The following TAF10 variants were observed in gnomAD, a reference collection of about 807,000 sequenced individuals.
TAF10 encodes the protein TATA-box binding protein associated factor 10, also known as transcription initiation factor TFIID subunit 10.
TAF10 carries 2 observed loss-of-function variants against 18.1 expected under a neutral mutation model. That is an observed-to-expected ratio of 0.11 (90% CI 0.05 to 0.35). TAF10 has a LOEUF of 0.35. TAF10 is among the 10% of genes least tolerant of loss of function. TAF10 has a pLI of 1.00. For missense variants in TAF10, 293 were observed against 306.9 expected (o/e 0.95, Z 0.34); for synonymous variants, 158 against 134.6 (o/e 1.17, Z -1.20).
At position 6,608,829 on chromosome 11, in the gene TAF10, C is replaced by T; in HGVS notation, c.*2093G>A. On this transcript the variant is annotated 3_prime_UTR_variant, in exon 5 of 5. Transcript: ENST00000299424. This position sits in a 1 kb window ranked among gnomAD's most constrained non-coding sequence, Gnocchi z 4.9. ...TCCCCTAGCTTGTGTCCTCTCGTCC[C>T]TTCCCACCTGTCTTCTCCCTCTGTA... 1 of 1,612,702 alleles carries T rather than the reference C, an allele frequency of 6.2e-7. No individual in the cohort carries two copies. Among genetic ancestry groups the T allele is most frequent in the Non-Finnish European group, 8.5e-7 (1 of 1,178,722 alleles).
intron 2 of TAF10, 93 bp downstream of exon 2, chr11:6,611,571 C>G: frequency 1.3e-6 from 2 of 1,590,378 alleles, no homozygotes; most frequent in Non-Finnish European, 1.7e-6. Flanking sequence ...AGAAGAGCGA[C>G]TAGGGGAGCA....
chr11:6,609,041 G>A lies in TAF10; in HGVS notation c.*1881C>T. 1 of 1,612,286 alleles carries A rather than the reference G, an allele frequency of 6.2e-7. No homozygotes were observed. Among genetic ancestry groups the A allele is most frequent in the South Asian group, 1.1e-5 (1 of 91,052 alleles). The stretch of plus-strand genomic sequence containing the variant: ...CCTCTTGGGGCTGGGTTAGGGTGAA[G>A]CTGGGTACCTGACCTGCCCACACTC... On this transcript the variant is annotated 3_prime_UTR_variant, in exon 5 of 5. Coordinates refer to ENST00000299424, the MANE Select transcript of TAF10 (RefSeq NM_006284.4).
Position 6,610,361 on chromosome 11 carries a change from A to AT in TAF10, c.*560dup. 1 of 1,613,224 alleles carries AT rather than the reference A, an allele frequency of 6.2e-7. No homozygotes were observed. Among genetic ancestry groups the AT allele is most frequent in the African/African-American group, 1.3e-5 (1 of 75,006 alleles). On this transcript the variant is annotated 3_prime_UTR_variant, in exon 5 of 5. Transcript: ENST00000299424. The stretch of plus-strand genomic sequence containing the variant: ...ACTGTAGTGGGCCTTGGCTCCTCAC[A>AT]TATTTGTTCGGATATACAGTAATCC...
rs1855028858 is a variant in TAF10 at position 6,607,366 on chromosome 11, AT to A, written c.*3555del. ...TTTTCTTCTGTTTTCTATGCACAGG[AT>A]TGCTAAGTAGGGGAATCCTGCTTTG... On this transcript the variant is annotated 3_prime_UTR_variant, in exon 5 of 5. Coordinates refer to ENST00000299424, the MANE Select transcript of TAF10 (RefSeq NM_006284.4). The A allele has an allele frequency of 6.5e-6, 1 of 152,774 alleles. No homozygotes were observed. The highest frequency in any genetic ancestry group is 2.0e-4 in the South Asian group (1 of 4,890). 9.5% of individuals were successfully genotyped at this position (152,774 alleles called of 1,614,324 possible).
Position 6,612,147 on chromosome 11 carries a change from CCGGCG to C in TAF10, c.38_42del (p.Ala13GlyfsTer59). 1.7e-6 allele frequency: 2 copies of C among 1,193,942 alleles called. No homozygotes were observed. Among genetic ancestry groups the C allele is most frequent in the Non-Finnish European group, 2.1e-6 (2 of 965,070 alleles). The allele number at this position is 1,193,942 out of a possible 1,614,324, so 74.0% of individuals were successfully genotyped here. On this transcript the variant is annotated frameshift_variant, in exon 1 of 5. Coordinates refer to ENST00000299424, the MANE Select transcript of TAF10 (RefSeq NM_006284.4). LOFTEE classifies it high-confidence loss of function. ...GGGCCCGGGGCCGAGGCGGCGGAGG[CCGGCG>C]CCGCCTCGGGGTCCGCGCCGGAGCC...
rs749671754 is a variant in TAF10 at position 6,610,005 on chromosome 11, A to C, written c.*917T>G. 9.3e-6 allele frequency: 15 copies of C among 1,614,058 alleles called. No homozygotes were observed. Among genetic ancestry groups the C allele is most frequent in the Non-Finnish European group, 1.2e-5 (14 of 1,180,038 alleles). ...GTTCTCTTTCCAATGTCCTGGTCGC[A>C]TGTATGCACCTGCCTGGGTAGCCCC... On this transcript the variant is annotated 3_prime_UTR_variant, in exon 5 of 5. Transcript: ENST00000299424.
chr11:6,611,047 G>GAATCCCGGACTTC (rs1564851747), intron 4 of TAF10, 36 bp from the exon 5 acceptor site: 1 of 1,610,524 alleles, frequency 6.2e-7, no homozygotes, highest in South Asian at 1.1e-5. Context: ...CTGAGCACAG[G>GAATCCCGGACTTC]AATCCCGGAC....
At position 6,610,303 on chromosome 11, in the gene TAF10, G is replaced by A; in HGVS notation, c.*619C>T. The A allele has an allele frequency of 6.2e-7, 1 of 1,614,066 alleles. No individual in the cohort carries two copies. The highest frequency in any genetic ancestry group is 8.5e-7 in the Non-Finnish European group (1 of 1,180,032). Reference sequence around the variant, plus strand: ...GGTGAGAGCACAACAGCATACATTTGTGTTGCGGGAGTGGTTGGTGATGGT... The same window carrying A: ...GGTGAGAGCACAACAGCATACATTTATGTTGCGGGAGTGGTTGGTGATGGT... On this transcript the variant is annotated 3_prime_UTR_variant, in exon 5 of 5. Coordinates refer to ENST00000299424, the MANE Select transcript of TAF10 (RefSeq NM_006284.4).
At position 6,610,680 on chromosome 11, in the gene TAF10, C is replaced by T; in HGVS notation, c.*242G>A. ...GTTGGGGGAATGCACCTCCCCAAAG[C>T]AGCAGGCCTCTGGTTGCCTCCCCCG... On this transcript the variant is annotated 3_prime_UTR_variant, in exon 5 of 5. Transcript: ENST00000299424. 6.3e-7 allele frequency: 1 copy of T among 1,590,322 alleles called. No individual in the cohort carries two copies. Among genetic ancestry groups the T allele is most frequent in the Non-Finnish European group, 8.6e-7 (1 of 1,160,192 alleles).
At position 6,611,975 on chromosome 11, in the gene TAF10, G is replaced by A; in HGVS notation, c.215C>T (p.Ala72Val). ...GPLAARAGEP[A>V]ERRGAAPVSA... is the part of the protein sequence containing the mutation. ...GCCCTCACCCGCCCCACGCCGCTCA[G>A]CTGGCTCCCCGGCCCGCGCCGCCAA... Residue 72 changes from alanine to valine, a missense_variant, in exon 1 of 5, where the codon GCT becomes GTT. Transcript: ENST00000299424. 6.4e-7 allele frequency: 1 copy of A among 1,566,858 alleles called. No individual in the cohort carries two copies. Among genetic ancestry groups the A allele is most frequent in the Non-Finnish European group, 8.6e-7 (1 of 1,164,328 alleles).
chr11:6,608,259 G>A lies in TAF10; in HGVS notation c.*2663C>T. On this transcript the variant is annotated 3_prime_UTR_variant, in exon 5 of 5. Coordinates refer to ENST00000299424, the MANE Select transcript of TAF10 (RefSeq NM_006284.4). This position sits in a 1 kb window ranked among gnomAD's most constrained non-coding sequence, Gnocchi z 4.9. Reference sequence around the variant, plus strand: ...TCCACATCACATACATGCCATGAGGGTCAGTCACAGGCACTGTAACATACA... The same window carrying A: ...TCCACATCACATACATGCCATGAGGATCAGTCACAGGCACTGTAACATACA... The A allele has an allele frequency of 6.2e-7, 1 of 1,603,334 alleles. No individual in the cohort carries two copies. Among genetic ancestry groups the A allele is most frequent in the South Asian group, 1.1e-5 (1 of 90,832 alleles).
At position 6,612,010 on chromosome 11, in the gene TAF10, G is replaced by A; in HGVS notation, c.180C>T (p.Gly60=). ...CGGCCCGCGCCGCCAAGGGTCCCGT[G>A]CCCCCAGCAGCTGCTCCAGCCCCAG... The part of the protein sequence containing the change: ...GGPGAGAAAG[G]TGPLAARAGE... The change falls in exon 1 of 5, where the codon GGC becomes GGT. Residue 60 remains glycine (G), a synonymous_variant. Coordinates refer to ENST00000299424, the MANE Select transcript of TAF10 (RefSeq NM_006284.4). 6.5e-7 allele frequency: 1 copy of A among 1,540,382 alleles called. No homozygotes were observed. Among genetic ancestry groups the A allele is most frequent in the Non-Finnish European group, 8.7e-7 (1 of 1,150,904 alleles).
chr11:6,611,321 AGAT>A lies in TAF10; in HGVS notation c.453-21_453-19del. ...GCCGAATTCTAGAGAGAAAAAACTT[AGAT>A]GAGAAGGAGATGGACAACATACTGC... On this transcript the variant is annotated intron_variant, in intron 3 of 4. Transcript: ENST00000299424. The A allele has an allele frequency of 6.2e-7, 1 of 1,614,078 alleles. No homozygotes were observed. The highest frequency in any genetic ancestry group is 8.5e-7 in the Non-Finnish European group (1 of 1,179,966).
At position 6,607,190 on chromosome 11, in the gene TAF10, G is replaced by A. The variant is rs1312715565; in HGVS notation, c.*3732C>T. The A allele has an allele frequency of 6.6e-6, 1 of 152,402 alleles. No homozygotes were observed. Among genetic ancestry groups the A allele is most frequent in the Admixed American group, 6.5e-5 (1 of 15,272 alleles). The allele number at this position is 152,402 out of a possible 1,614,324, so 9.4% of individuals were successfully genotyped here. A position where few individuals can be genotyped will look rare whatever the true frequency, so the allele number is the denominator to read the frequency against. On this transcript the variant is annotated 3_prime_UTR_variant, in exon 5 of 5. Coordinates refer to ENST00000299424, the MANE Select transcript of TAF10 (RefSeq NM_006284.4). ...CTTGAATCTGCAGCCCCGAACTGGA[G>A]GGAATTTCCTTTTATGGCCCCAGGC...
At position 6,610,069 on chromosome 11, in the gene TAF10, G is replaced by A. The variant is rs41310330; in HGVS notation, c.*853C>T. 0.013 allele frequency: 21,615 copies of A among 1,613,974 alleles called. 169 individuals carry two copies. Among genetic ancestry groups the A allele is most frequent in the Non-Finnish European group, 0.016 (18,520 of 1,179,860 alleles). On this transcript the variant is annotated 3_prime_UTR_variant, in exon 5 of 5. Transcript: ENST00000299424. ...AGTCATCATGTCGGGAGGTAAAAAA[G>A]GACCACCTCAGAAGTAGTGGAAGGG...
rs1227129679 is a variant in TAF10 at position 6,607,434 on chromosome 11, T to G, written c.*3488A>C. On this transcript the variant is annotated 3_prime_UTR_variant, in exon 5 of 5. Transcript: ENST00000299424. ...CTACCTCATCAGTAGTCAAAAGCAT[T>G]TCTCCTTTTCAACATAAACCCTTCC... 1.3e-5 allele frequency: 2 copies of G among 156,554 alleles called. No individual in the cohort carries two copies. The highest frequency in any genetic ancestry group is 2.8e-5 in the Non-Finnish European group (2 of 70,572). The allele number at this position is 156,554 out of a possible 1,614,324, so 9.7% of individuals were successfully genotyped here.
chr11:6,608,423 A>G lies in TAF10; in HGVS notation c.*2499T>C. Reference sequence around the variant, plus strand: ...TGCAGTACAAGGCAGACATCAATGCAGTGAATGAACACGGGAATGTGCCCC... The same window carrying G: ...TGCAGTACAAGGCAGACATCAATGCGGTGAATGAACACGGGAATGTGCCCC... On this transcript the variant is annotated 3_prime_UTR_variant, in exon 5 of 5. Coordinates refer to ENST00000299424, the MANE Select transcript of TAF10 (RefSeq NM_006284.4). This position sits in a 1 kb window ranked among gnomAD's most constrained non-coding sequence, Gnocchi z 4.9. 1 of 1,614,220 alleles carries G rather than the reference A, an allele frequency of 6.2e-7. No homozygotes were observed. Among genetic ancestry groups the G allele is most frequent in the Non-Finnish European group, 8.5e-7 (1 of 1,180,012 alleles).
rs1393380421 is a variant in TAF10 at position 6,610,923 on chromosome 11, C to T, written c.656G>A (p.Ter219=). 1.9e-6 allele frequency: 3 copies of T among 1,614,154 alleles called. No homozygotes were observed. Among genetic ancestry groups the T allele is most frequent in the Non-Finnish European group, 2.5e-6 (3 of 1,180,010 alleles). The change falls in exon 5 of 5, where the codon TGA becomes TAA. Residue 219 remains the stop codon, a stop_retained_variant. Transcript: ENST00000299424. ...ATAAGTACATTTAGGTTGGGTGGCT[C>T]AGGTGAAGTAGTGCGGCTTCTTCAC... is the stretch of plus-strand genomic sequence containing the variant. The part of the protein sequence containing the change: ...INVKKPHYFT[*]
At position 6,610,376 on chromosome 11, in the gene TAF10, T is replaced by A. The variant is rs1589942969; in HGVS notation, c.*546A>T. Reference sequence around the variant, plus strand: ...GGCTCCTCACATATTTGTTCGGATATACAGTAATCCTGTCCCAAGGGCCAG... The same window carrying A: ...GGCTCCTCACATATTTGTTCGGATAAACAGTAATCCTGTCCCAAGGGCCAG... On this transcript the variant is annotated 3_prime_UTR_variant, in exon 5 of 5. Transcript: ENST00000299424. The A allele has an allele frequency of 6.2e-7, 1 of 1,612,966 alleles. No individual in the cohort carries two copies. The highest frequency in any genetic ancestry group is 2.2e-5 in the East Asian group (1 of 44,876).
Sources: allele counts gnomAD v4.1 joint callset, GRCh38; gene constraint gnomAD v4.1.1; non-coding constraint Gnocchi (gnomAD v3.1); transcripts MANE v1.5; gene names NCBI Gene and HGNC (gene_info 2026-07-23, HGNC 2026-07-21).